Variants in AFG2A observed in about 807,000 individuals in gnomAD.
AFG2A encodes ATPase family gene 2 protein homolog A.
the AFG2A span, among the ~76,000 whole-genome samples, chr4:123,064,927 G>A: frequency 1.1e-4 from 17 of 152,126 alleles, no homozygotes; most frequent in African/African-American, 4.1e-4. Flanking sequence ...CCTAATCGTT[G>A]TGTTTAGGTG....
the AFG2A span, among the ~76,000 whole-genome samples, chr4:123,279,089 G>A: frequency 3.9e-5 from 6 of 152,152 alleles, no homozygotes; most frequent in Admixed American, 3.9e-4. Flanking sequence ...TTCTCCTACT[G>A]TGAGTTTGCT....
chr4:123,020,967 C>G, the AFG2A span, among the ~76,000 whole-genome samples: 1 of 151,978 alleles, frequency 6.6e-6, no homozygotes, highest in Admixed American at 6.5e-5. Context: ...TTTCTTCTAC[C>G]AGTGTGTGAC....
At chr4:123,011,447 T>C in the AFG2A span, among the ~76,000 whole-genome samples, 2 of 152,194 alleles carry the variant, frequency 1.3e-5, no homozygotes, top group African/African-American at 2.4e-5. Flanking sequence ...GTATAGACTT[T>C]GTACACTTTT....
the AFG2A span, among the ~76,000 whole-genome samples, chr4:123,082,041 A>T: frequency 2.0e-5 from 3 of 151,702 alleles, no homozygotes; most frequent in East Asian, 1.9e-4. Flanking sequence ...TCTTTATCAC[A>T]TGTGTCTTTC....
At chr4:123,040,270 A>T in the AFG2A span, among the ~76,000 whole-genome samples, 1 of 152,234 alleles carries the variant, frequency 6.6e-6, no homozygotes, top group East Asian at 1.9e-4. Context: ...TTCACTCCTT[A>T]GCAATTATGT....
the AFG2A span, among the ~76,000 whole-genome samples, chr4:123,223,115 C>T: frequency 6.6e-6 from 1 of 152,138 alleles, no homozygotes. Flanking sequence ...AACGTTCTTA[C>T]TCTTTTCCAT....
At chr4:123,057,499 A>T in the AFG2A span, among the ~76,000 whole-genome samples, 19 of 152,180 alleles carry the variant, frequency 1.2e-4, no homozygotes, top group Non-Finnish European at 1.9e-4. Flanking sequence ...ATTGGATAAA[A>T]ACCACTGATA....
the AFG2A span, among the ~76,000 whole-genome samples, chr4:123,063,606 C>T: frequency 3.3e-5 from 5 of 151,872 alleles, no homozygotes; most frequent in South Asian, 8.3e-4. Flanking sequence ...ATTAGCTGGG[C>T]GTGGTGGCAG....
At chr4:123,291,813 A>G in the AFG2A span, among the ~76,000 whole-genome samples, 1 of 152,184 alleles carries the variant, frequency 6.6e-6, no homozygotes, top group Non-Finnish European at 1.5e-5. Context: ...CTTCATTCAC[A>G]TTGACGTTAG....
At chr4:123,022,937 A>G in the AFG2A span, among the ~76,000 whole-genome samples, 122,872 of 150,732 alleles carry the variant, frequency 0.82, 51,672 homozygotes, top group East Asian at 0.96. Context: ...TCTCAAGGAC[A>G]AAAAACCAAA....
the AFG2A span, among the ~76,000 whole-genome samples, chr4:123,123,877 G>A: frequency 0.058 from 8,660 of 149,322 alleles, 301 homozygotes; most frequent in South Asian, 0.11. Context: ...GCGTGAACCC[G>A]GGAGGCGGAG....
At chr4:123,094,392 G>A in the AFG2A span, among the ~76,000 whole-genome samples, 2 of 152,068 alleles carry the variant, frequency 1.3e-5, no homozygotes, top group South Asian at 2.1e-4. Flanking sequence ...GCCGGGGAAC[G>A]TGTAAGTCAA....
the AFG2A span, among the ~76,000 whole-genome samples, chr4:123,135,181 A>C: frequency 7.2e-5 from 11 of 152,036 alleles, no homozygotes; most frequent in Non-Finnish European, 7.4e-5. Context: ...CAATAGATGC[A>C]GAAAAAGCCT....
At chr4:123,187,423 G>T in the AFG2A span, among the ~76,000 whole-genome samples, 2 of 152,104 alleles carry the variant, frequency 1.3e-5, no homozygotes, top group Non-Finnish European at 2.9e-5. Flanking sequence ...AGTTGTTATC[G>T]CTGAATTCTA....
At chr4:122,931,872 G>A in the AFG2A span, among the ~76,000 whole-genome samples, 1,838 of 152,306 alleles carry the variant, frequency 0.012, 42 homozygotes, top group African/African-American at 0.041. Context: ...TGCTCTGTGA[G>A]TATTGATTTT....
At chr4:123,044,621 A>G in the AFG2A span, among the ~76,000 whole-genome samples, 1 of 152,324 alleles carries the variant, frequency 6.6e-6, no homozygotes, top group East Asian at 1.9e-4. Context: ...TTAACAAGTT[A>G]GTATGAATTT....
the AFG2A span, among the ~76,000 whole-genome samples, chr4:123,134,663 G>A: frequency 0.99 from 148,067 of 149,468 alleles, 73,339 homozygotes; most frequent in East Asian, 1. Context: ...AACAAATCAT[G>A]TAACCTAGAA....
the AFG2A span, among the ~76,000 whole-genome samples, chr4:123,160,656 A>G: frequency 1.9e-5 from 2 of 107,838 alleles, no homozygotes; most frequent in African/African-American, 6.2e-5. Flanking sequence ...CCTTCCGACC[A>G]CCTCCAGCAG....
chr4:123,070,555 G>A, the AFG2A span, among the ~76,000 whole-genome samples: 1 of 152,158 alleles, frequency 6.6e-6, no homozygotes, highest in Non-Finnish European at 1.5e-5. Context: ...CTCACGTAGT[G>A]AAAGGGGCAA....
Sources: allele counts gnomAD v4.1 joint callset (sites outside exome capture counted in the v4.1 genomes callset), GRCh38; gene constraint gnomAD v4.1.1; transcripts MANE v1.5; gene names NCBI Gene and HGNC (gene_info 2026-07-23, HGNC 2026-07-21).